PHF19: variants seen among roughly 807,000 people sequenced by gnomAD.
PHF19 encodes the protein polycomb like 3.
In PHF19, 21 loss-of-function variants were observed where a neutral mutation model predicts 79.8. That is an observed-to-expected ratio of 0.26 (90% confidence interval 0.19 to 0.38). The LOEUF (loss-of-function observed/expected upper bound fraction) is 0.38, where lower values mean the gene tolerates loss of function less well. PHF19 is among the 10% of genes least tolerant of loss of function. PHF19 has a pLI of 1.00. For synonymous variants in PHF19, 273 were observed against 296.3 expected, an observed-to-expected ratio of 0.92 and a Z score of 0.81; for missense variants, 445 against 744.2, an observed-to-expected ratio of 0.60 and a Z score of 4.68.
intron 1 of PHF19, among the ~76,000 whole-genome samples, chr9:120,887,221 A>G (rs1018641747): frequency 4.6e-5 from 7 of 151,746 alleles, no homozygotes; most frequent in South Asian, 2.1e-4. Flanking sequence ...TTGGGAGGCC[A>G]AGGTGGGCGG....
intron 1 of PHF19, among the ~76,000 whole-genome samples, chr9:120,885,305 C>T (rs543678000): frequency 1.6e-4 from 25 of 152,004 alleles, no homozygotes; most frequent in Non-Finnish European, 2.4e-4. Flanking sequence ...AGAGGTTCGG[C>T]GCAGTGGTTC....
Position 120,862,761 on chromosome 9 carries a change from C to A in PHF19, c.969-12G>T. ...TGCCGCAGAGGAACCTGGGGGTGGG[C>A]AGTGGGAGGAAGAAGCTCTGGAGTC... On this transcript the variant is annotated splice_polypyrimidine_tract_variant and intron_variant, in intron 10 of 14. Coordinates refer to ENST00000373896, the MANE Select transcript of PHF19 (RefSeq NM_015651.3). This position sits in a 1 kb window ranked among gnomAD's most constrained non-coding sequence, Gnocchi z 4.6. 1 of 1,613,638 alleles carries A rather than the reference C, an allele frequency of 6.2e-7. No homozygotes were observed. Among genetic ancestry groups the A allele is most frequent in the Non-Finnish European group, 8.5e-7 (1 of 1,179,706 alleles).
chr9:120,894,344 C>G (rs1015686931), intron 1 of PHF19, among the ~76,000 whole-genome samples: 6 of 152,236 alleles, frequency 3.9e-5, no homozygotes, highest in Non-Finnish European at 5.9e-5. Flanking sequence ...TGATCTGAAA[C>G]TTAGGCTAAG....
At chr9:120,878,346 GC>G (rs2046123235), upstream of PHF19, among the ~76,000 whole-genome samples, 1 of 152,168 alleles carries the variant, frequency 6.6e-6, no homozygotes, top group Non-Finnish European at 1.5e-5. Context: ...GGCAGACATG[GC>G]CCCACCCAGA....
At chr9:120,875,016 A>C (rs914061254) in intron 1 of PHF19, among the ~76,000 whole-genome samples, 1 of 152,214 alleles carries the variant, frequency 6.6e-6, no homozygotes, top group Non-Finnish European at 1.5e-5. Context: ...CCTTTTAAAG[A>C]GAATGGATCT....
chr9:120,894,056 G>A (rs1261106451), intron 1 of PHF19, among the ~76,000 whole-genome samples: 1 of 152,156 alleles, frequency 6.6e-6, no homozygotes, highest in Non-Finnish European at 1.5e-5. Context: ...ATGTAGGGCC[G>A]GTTTTTGGAC....
chr9:120,900,056 G>A, the PHF19 span, among the ~76,000 whole-genome samples: 2 of 151,492 alleles, frequency 1.3e-5, no homozygotes, highest in African/African-American at 2.4e-5. Flanking sequence ...GCACAAGCTC[G>A]GCTCTCTGCA....
chr9:120,872,461 T>A (rs1376200936), intron 3 of PHF19, among the ~76,000 whole-genome samples: 1 of 152,246 alleles, frequency 6.6e-6, no homozygotes, highest in African/African-American at 2.4e-5. Flanking sequence ...TGGCTCCTTA[T>A]GCTTTCAATA....
chr9:120,886,345 G>A (rs1356521098), intron 1 of PHF19, among the ~76,000 whole-genome samples: 1 of 152,254 alleles, frequency 6.6e-6, no homozygotes, highest in Non-Finnish European at 1.5e-5. Flanking sequence ...GAGGCTCTGG[G>A]GAGTTATATG....
At chr9:120,892,311 G>A (rs2046352792) in intron 1 of PHF19, among the ~76,000 whole-genome samples, 1 of 152,082 alleles carries the variant, frequency 6.6e-6, no homozygotes, top group Admixed American at 6.6e-5. Context: ...CTGTTTTCCT[G>A]CTATGGGACT....
Position 120,869,202 on chromosome 9 carries a change from G to A in PHF19, c.594C>T (p.Cys198=). 6.2e-7 allele frequency: 1 copy of A among 1,611,030 alleles called. No homozygotes were observed. The highest frequency in any genetic ancestry group is 1.1e-5 in the South Asian group (1 of 90,456). The change falls in exon 6 of 15, where the codon TGC becomes TGT. Residue 198 remains cysteine (C), a synonymous_variant. Transcript: ENST00000373896. The surrounding 1 kb of genome is among the most constrained non-coding windows in gnomAD (Gnocchi z 5.8). ...CTTACTCTCCGGGCCCGCCGCAGTA[G>A]CAGTAGCATTGCTGCTGGTTGGTGC... ...PHRTNQQQCY[C]YCGGPGEWYL...
chr9:120,884,302 A>G (rs1446293617), intron 1 of PHF19, among the ~76,000 whole-genome samples: 2 of 152,250 alleles, frequency 1.3e-5, no homozygotes, highest in Non-Finnish European at 2.9e-5. Flanking sequence ...CATTTTATTA[A>G]TGAACTCCAG....
At chr9:120,888,685 G>T (rs940480240) in intron 1 of PHF19, among the ~76,000 whole-genome samples, 6 of 152,140 alleles carry the variant, frequency 3.9e-5, no homozygotes, top group Non-Finnish European at 5.9e-5. Flanking sequence ...AAAGCAAAAG[G>T]GGGACTTTCT....
chr9:120,864,765 A>G (rs2045646837), intron 9 of PHF19, among the ~76,000 whole-genome samples: 1 of 152,248 alleles, frequency 6.6e-6, no homozygotes. Flanking sequence ...AGATTATTTA[A>G]AATTGTATAT....
chr9:120,869,873 C>T lies in PHF19; in HGVS notation c.437G>A (p.Arg146Gln), dbSNP rs1287592996. The T allele has an allele frequency of 1.9e-6, 3 of 1,610,688 alleles. No homozygotes were observed. The highest frequency in any genetic ancestry group is 1.7e-5 in the Admixed American group (1 of 59,538). The change falls in exon 5 of 15, where the codon CGA becomes CAA. Residue 146 changes from arginine (R) to glutamine (Q), a missense_variant. Physicochemically the swap from Arg to Gln is conservative, Grantham distance 43. This residue lies in a region of PHF19 where 167 missense variants were observed against 375.8 expected (regional missense o/e 0.44). Coordinates refer to ENST00000373896, the MANE Select transcript of PHF19 (RefSeq NM_015651.3). This position sits in a 1 kb window ranked among gnomAD's most constrained non-coding sequence, Gnocchi z 5.8. ...CACAGCCAGTGCGAAGATGCAGCGTCGGCAGAACCAAGGTGTGAGCAGGGG... is the reference window on the plus strand; with the variant it reads ...CACAGCCAGTGCGAAGATGCAGCGTTGGCAGAACCAAGGTGTGAGCAGGGG... The part of the protein sequence containing the change: ...DQPLLTPWFC[R>Q]RCIFALAVRK...
At chr9:120,880,836 T>C (rs2046169735), upstream of PHF19, among the ~76,000 whole-genome samples, 1 of 151,936 alleles carries the variant, frequency 6.6e-6, no homozygotes, top group Admixed American at 6.6e-5. Context: ...GGCATGCACC[T>C]GTAGTCCCAG....
intron 12 of PHF19, among the ~76,000 whole-genome samples, chr9:120,861,559 T>C (rs2045525536): frequency 6.6e-6 from 1 of 151,890 alleles, no homozygotes; most frequent in Non-Finnish European, 1.5e-5. Context: ...AGGGAGGTGG[T>C]GGGGTTACTG....
intron 1 of PHF19, among the ~76,000 whole-genome samples, chr9:120,882,558 A>G (rs78050920): frequency 0.023 from 3,533 of 152,240 alleles, 131 homozygotes; most frequent in African/African-American, 0.081. Flanking sequence ...AAAGTGCTCT[A>G]CAGCCAGGCA....
rs76046118 is a variant in PHF19, at chr9:120,885,981, G to A, written c.42+8807C>T. ...TACAGCTCTCAGAAGGAACTCTCAC[G>A]TCTGGCCTTTCTCTGTTGTCTGTTC... On this transcript the variant is annotated intron_variant, in intron 1 of 14. Coordinates refer to the PHF19 transcript ENST00000616568. Among the ~76,000 whole-genome samples, 30 of 152,284 alleles carry A rather than the reference G, an allele frequency of 2.0e-4. No homozygotes were observed. The East Asian group carries it at 5.6e-3, about 28-fold the overall frequency.
Sources: gnomAD v4.1 joint callset for allele counts (sites outside exome capture counted in the v4.1 genomes callset) on GRCh38, gnomAD v4.1.1 for gene constraint, gnomAD v4.1.1 regional missense constraint, Gnocchi (gnomAD v3.1) non-coding constraint, MANE v1.5 for transcripts, NCBI Gene and HGNC (gene_info 2026-07-23, HGNC 2026-07-21) for gene names.